CPNE4: variants seen among roughly 807,000 people sequenced by gnomAD.
CPNE4 encodes the protein copine 4, also known as copine-4.
In CPNE4, 25 loss-of-function variants were observed where a neutral mutation model predicts 67.9. The observed-to-expected ratio is 0.37, with a 90% CI of 0.27 to 0.51. CPNE4 has a LOEUF of 0.51. Among genes scored for constraint, CPNE4 ranks in the 20% least tolerant of loss-of-function variants. CPNE4 has a pLI of 0.93. For synonymous variants in CPNE4, 242 were observed against 244.9 expected (o/e 0.99, Z 0.11); for missense variants, 464 against 690.8 (o/e 0.67, Z 3.68).
At chr3:131,802,484 G>A (rs1424296236) in intron 2 of CPNE4, among the ~76,000 whole-genome samples, 1 of 152,164 alleles carries the variant, frequency 6.6e-6, no homozygotes. Flanking sequence ...AAATTGCCCA[G>A]CTGCATTTTC....
intron 1 of CPNE4, among the ~76,000 whole-genome samples, chr3:131,995,597 C>T (rs11923325): frequency 0.29 from 44,722 of 151,976 alleles, 6,833 homozygotes; most frequent in South Asian, 0.39. Flanking sequence ...CCAGCCAGTA[C>T]TTGGAAAGCC....
chr3:131,719,813 AGGCAAAGAAGAACTGTTTCTTCAT>A (rs1244811781), intron 3 of CPNE4, among the ~76,000 whole-genome samples: 1 of 152,230 alleles, frequency 6.6e-6, no homozygotes, highest in African/African-American at 2.4e-5. Context: ...CAGGAATCAC[AGGCAAAGAAGAACTGTTTCTTCAT>A]GCGTGTCTCT....
At chr3:131,620,546 T>C (rs1320635330) in intron 7 of CPNE4, 2 of 720,496 alleles carry the variant, frequency 2.8e-6, no homozygotes, top group South Asian at 6.2e-5. Flanking sequence ...CCCTTATCCC[T>C]GGGACCTGTG....
chr3:131,937,995 G>A (rs1379175954), intron 1 of CPNE4, among the ~76,000 whole-genome samples: 1 of 152,038 alleles, frequency 6.6e-6, no homozygotes, highest in Non-Finnish European at 1.5e-5. Context: ...TAATTATCAA[G>A]ATAATACTCG....
intron 13 of CPNE4, among the ~76,000 whole-genome samples, chr3:131,552,136 A>G (rs898558689): frequency 1.3e-5 from 2 of 151,680 alleles, no homozygotes; most frequent in African/African-American, 4.8e-5. Context: ...ACTGCCTACC[A>G]GGTGAAGTTT....
chr3:131,680,774 A>C (rs773385549), intron 6 of CPNE4, among the ~76,000 whole-genome samples: 1 of 152,046 alleles, frequency 6.6e-6, no homozygotes, highest in Non-Finnish European at 1.5e-5. Flanking sequence ...CCATCACCTG[A>C]GCAGTATACA....
At chr3:131,588,712 A>T (rs139276387) in intron 7 of CPNE4, among the ~76,000 whole-genome samples, 19 of 152,284 alleles carry the variant, frequency 1.2e-4, no homozygotes, top group Admixed American at 9.2e-4. Context: ...GAATTGCATC[A>T]ACACTCATTC....
chr3:131,646,380 A>C (rs889867558), intron 7 of CPNE4, among the ~76,000 whole-genome samples: 7 of 152,230 alleles, frequency 4.6e-5, no homozygotes, highest in African/African-American at 1.7e-4. Context: ...ACTCACATAC[A>C]TATAGCAGAA....
At chr3:131,629,737 G>A (rs1166104451) in intron 7 of CPNE4, among the ~76,000 whole-genome samples, 4 of 152,160 alleles carry the variant, frequency 2.6e-5, no homozygotes, top group African/African-American at 9.7e-5. Flanking sequence ...GAGCCACTGT[G>A]CCTGGTCAAT....
chr3:131,651,251 C>A (rs2079809141), intron 7 of CPNE4, among the ~76,000 whole-genome samples: 1 of 152,156 alleles, frequency 6.6e-6, no homozygotes, highest in Non-Finnish European at 1.5e-5. Context: ...ATATTTTAAA[C>A]ACTATGGGGC....
intron 2 of CPNE4, among the ~76,000 whole-genome samples, chr3:131,747,553 T>C (rs964182731): frequency 1.3e-5 from 2 of 149,632 alleles, no homozygotes; most frequent in South Asian, 4.3e-4. Context: ...AAAAAAAAAA[T>C]TTGAGACAGG....
chr3:131,688,713 A>C (rs2080956839), intron 5 of CPNE4, among the ~76,000 whole-genome samples: 1 of 152,308 alleles, frequency 6.6e-6, no homozygotes, highest in East Asian at 1.9e-4. Context: ...TTTTGTTACC[A>C]TCACTTTTAT....
chr3:131,925,229 C>T (rs890088398), intron 1 of CPNE4, among the ~76,000 whole-genome samples: 2 of 151,670 alleles, frequency 1.3e-5, no homozygotes, highest in Non-Finnish European at 2.9e-5. Flanking sequence ...TTCCCCCTTG[C>T]ACTCTACACA....
chr3:131,876,641 C>CAAAAAAAAAAAAAAAAA (rs61625119), intron 2 of CPNE4, among the ~76,000 whole-genome samples: 1 of 101,624 alleles, frequency 9.8e-6, no homozygotes, highest in East Asian at 2.6e-4. Context: ...GACTCCGTCT[C>CAAAAAAAAAAAAAAAAA]AAAAAAAAAA....
At chr3:131,823,600 A>G (rs1818487) in intron 2 of CPNE4, among the ~76,000 whole-genome samples, 129,882 of 152,208 alleles carry the variant, frequency 0.85, 56,088 homozygotes, top group East Asian at 1. Context: ...GAGCTTTAGA[A>G]CATCTCTGAA....
intron 2 of CPNE4, among the ~76,000 whole-genome samples, chr3:131,902,657 G>T (rs1450092806): frequency 6.6e-6 from 1 of 152,068 alleles, no homozygotes; most frequent in Non-Finnish European, 1.5e-5. Flanking sequence ...TTACAAGCAT[G>T]ATAATAATCA....
chr3:131,583,850 G>A (rs1938002829), intron 8 of CPNE4, among the ~76,000 whole-genome samples: 1 of 152,138 alleles, frequency 6.6e-6, no homozygotes, highest in Admixed American at 6.5e-5. Context: ...TGGAAGATGA[G>A]GCTCAGAGAA....
chr3:131,649,450 A>G (rs2079751762), intron 7 of CPNE4, among the ~76,000 whole-genome samples: 1 of 152,226 alleles, frequency 6.6e-6, no homozygotes. Context: ...GAGGGCGGCC[A>G]TGTGGAAATA....
chr3:131,704,274 T>C (rs1301758147), intron 3 of CPNE4, among the ~76,000 whole-genome samples: 17 of 152,162 alleles, frequency 1.1e-4, no homozygotes, highest in Non-Finnish European at 2.9e-5. Context: ...AAGTTTCCTC[T>C]GGTATCCATG....
Sources: allele counts gnomAD v4.1 joint callset (sites outside exome capture counted in the v4.1 genomes callset), GRCh38; gene constraint gnomAD v4.1.1; transcripts MANE v1.5; gene names NCBI Gene and HGNC (gene_info 2026-07-23, HGNC 2026-07-21).